Variants in LRRK1 observed in about 807,000 individuals in gnomAD.
LRRK1 encodes leucine-rich repeat serine/threonine-protein kinase 1.
LRRK1 carries 113 observed loss-of-function variants against 209.1 expected under a neutral mutation model. That is an observed-to-expected ratio of 0.54 (90% CI 0.46 to 0.63). The LOEUF (loss-of-function observed/expected upper bound fraction) is 0.63. LRRK1 is among the 30% of genes least tolerant of loss of function. The probability of loss-of-function intolerance (pLI) is 0.00; values close to 1 mark genes in which losing one functional copy is unlikely to be tolerated. For synonymous variants in LRRK1, 1,144 were observed against 1,099.7 expected (o/e 1.04, Z -0.80); for missense variants, 2,284 against 2,632.2 (o/e 0.87, Z 2.89).
Position 101,027,606 on chromosome 15 carries a change from G to A in LRRK1, c.2527-32G>A. 6.2e-7 allele frequency: 1 copy of A among 1,601,444 alleles called. No individual in the cohort carries two copies. Among genetic ancestry groups the A allele is most frequent in the Non-Finnish European group, 8.5e-7 (1 of 1,175,302 alleles). Reference sequence around the variant, plus strand: ...AGCTGGCAGGTGTGCCTTGGGACCTGAGAGACCCTGCCTCGCCCAACTGTC... The same window carrying A: ...AGCTGGCAGGTGTGCCTTGGGACCTAAGAGACCCTGCCTCGCCCAACTGTC... On this transcript the variant is annotated intron_variant, in intron 18 of 33. Transcript: ENST00000388948. The surrounding 1 kb of genome is among the most constrained non-coding windows in gnomAD (Gnocchi z 5.1).
intron 12 of LRRK1, among the ~76,000 whole-genome samples, chr15:101,017,495 C>G (rs1309490059): frequency 6.6e-6 from 1 of 152,212 alleles, no homozygotes; most frequent in Non-Finnish European, 1.5e-5. Flanking sequence ...TGCTAGGAAC[C>G]AGGCCACACA....
At chr15:100,935,242 G>A (rs2042280296) in intron 2 of LRRK1, among the ~76,000 whole-genome samples, 2 of 152,228 alleles carry the variant, frequency 1.3e-5, no homozygotes, top group African/African-American at 4.8e-5. Flanking sequence ...GATGGAGAGT[G>A]ACAGGCATAG....
At position 101,065,510 on chromosome 15, in the gene LRRK1, C is replaced by T; in HGVS notation, c.5073C>T (p.Tyr1691=). Residue 1691 remains tyrosine (Y), a synonymous_variant, in exon 32 of 34, where the codon TAC becomes TAT. Coordinates refer to ENST00000388948, the MANE Select transcript of LRRK1 (RefSeq NM_024652.6). The part of the protein sequence containing the change: ...IADEDARQNP[Y]PVKAMEVVNS... ...ATGAAGACGCACGGCAGAACCCCTA[C>T]CCAGTGAAGGCCATGGAGGTGGTCA... is the stretch of plus-strand genomic sequence containing the variant. 1.2e-6 allele frequency: 2 copies of T among 1,614,218 alleles called. No homozygotes were observed. Among genetic ancestry groups the T allele is most frequent in the Admixed American group, 1.7e-5 (1 of 60,034 alleles).
chr15:100,942,033 A>T (rs543078939), intron 2 of LRRK1, among the ~76,000 whole-genome samples: 2 of 152,262 alleles, frequency 1.3e-5, no homozygotes, highest in East Asian at 3.9e-4. Flanking sequence ...TTCTTTTCCC[A>T]TGCTAATAAG....
At chr15:100,970,135 C>T (rs572445845) in intron 2 of LRRK1, among the ~76,000 whole-genome samples, 1 of 152,280 alleles carries the variant, frequency 6.6e-6, no homozygotes, top group Non-Finnish European at 1.5e-5. Flanking sequence ...GGTGATCCAC[C>T]TGCCTTGGCC....
At chr15:101,002,105 A>T (rs1348802376) in intron 6 of LRRK1, among the ~76,000 whole-genome samples, 1 of 152,140 alleles carries the variant, frequency 6.6e-6, no homozygotes, top group East Asian at 1.9e-4. Flanking sequence ...TCATTGAACA[A>T]TTTTTTTCTT....
Position 101,016,134 on chromosome 15 carries a change from C to T in LRRK1, c.1609+732C>T, listed in dbSNP as rs148092600. ...CCTCCCAAGTAGCTGGGATTACAGG[C>T]ATGTGCCACCATGCCTGGCTAATTT... On this transcript the variant is annotated intron_variant, in intron 12 of 33. Coordinates refer to ENST00000388948, the MANE Select transcript of LRRK1 (RefSeq NM_024652.6). Among the ~76,000 whole-genome samples, 295 of 152,084 alleles carry T rather than the reference C, an allele frequency of 1.9e-3. 1 individual carries two copies. The highest frequency in any genetic ancestry group is 6.5e-3 in the African/African-American group (270 of 41,486).
At chr15:101,020,170 T>G (rs2033711770) in intron 12 of LRRK1, among the ~76,000 whole-genome samples, 1 of 152,190 alleles carries the variant, frequency 6.6e-6, no homozygotes, top group African/African-American at 2.4e-5. Flanking sequence ...AGTAATTCCT[T>G]TCCCCAGAGA....
chr15:100,922,477 A>G (rs772146145), intron 1 of LRRK1, among the ~76,000 whole-genome samples: 13 of 152,102 alleles, frequency 8.5e-5, no homozygotes, highest in Admixed American at 4.6e-4. Context: ...ATTGTATGGT[A>G]AGACACTTCT....
intron 2 of LRRK1, among the ~76,000 whole-genome samples, chr15:100,972,367 TGTG>T: frequency 1.0e-5 from 1 of 98,860 alleles, no homozygotes; most frequent in African/African-American, 4.3e-5. Flanking sequence ...AGAGAGAGTG[TGTG>T]TGTGTGTGTG....
In LRRK1 at chr15:101,062,790, C is replaced by A. The variant is rs184279688; in HGVS notation, c.4914+100C>A. 58 of 825,940 alleles carry A rather than the reference C, an allele frequency of 7.0e-5. 1 individual carries two copies. The East Asian group carries it at 1.1e-3, about 16-fold the overall frequency. 51.2% of individuals were successfully genotyped at this position (825,940 alleles called of 1,614,324 possible). A position where few individuals can be genotyped will look rare whatever the true frequency, so the allele number is the denominator to read the frequency against. ...CAGGGTGGCGCCTGCAGAGCCACAC[C>A]TAGGACCACCTGGCCTAGGACGTAG... On this transcript the variant is annotated intron_variant, in intron 31 of 33. Coordinates refer to ENST00000388948, the MANE Select transcript of LRRK1 (RefSeq NM_024652.6).
At chr15:100,930,542 C>G (rs963089726) in intron 2 of LRRK1, among the ~76,000 whole-genome samples, 1 of 152,236 alleles carries the variant, frequency 6.6e-6, no homozygotes, top group Non-Finnish European at 1.5e-5. Flanking sequence ...CCACCCCACA[C>G]TTGCTCCTGA....
chr15:101,012,944 G>A, intron 10 of LRRK1, among the ~76,000 whole-genome samples: 1 of 152,118 alleles, frequency 6.6e-6, no homozygotes, highest in South Asian at 2.1e-4. Flanking sequence ...GGGTACTCCT[G>A]GCCTTCAGGC....
chr15:101,030,880 C>CGAACAG (rs2034250452), intron 20 of LRRK1, among the ~76,000 whole-genome samples: 1 of 152,150 alleles, frequency 6.6e-6, no homozygotes, highest in Admixed American at 6.5e-5. Flanking sequence ...ACACTGCACC[C>CGAACAG]TATTTGTGTC....
intron 20 of LRRK1, among the ~76,000 whole-genome samples, chr15:101,034,322 C>A (rs1487822662): frequency 6.6e-6 from 1 of 152,040 alleles, no homozygotes; most frequent in Non-Finnish European, 1.5e-5. Context: ...AGCCATAAAA[C>A]CTTTGCCTAG....
rs1020810209 is a variant in LRRK1, at chr15:101,071,100, A to G, written c.*2252A>G. The G allele has an allele frequency of 3.3e-5, 5 of 152,268 alleles. No homozygotes were observed. The highest frequency in any genetic ancestry group is 1.5e-5 in the Non-Finnish European group (1 of 68,078). The allele number at this position is 152,268 out of a possible 1,614,324, so 9.4% of individuals were successfully genotyped here. On this transcript the variant is annotated 3_prime_UTR_variant, in exon 34 of 34. Coordinates refer to ENST00000388948, the MANE Select transcript of LRRK1 (RefSeq NM_024652.6). ...GCAGGGAAACAGTCTCCACAACAGT[A>G]AAATGTTGCTGGGATGGGCCCAGCA...
chr15:101,053,265 ACTT>A lies in LRRK1; in HGVS notation c.3902_3904del (p.Phe1301del), dbSNP rs1184680227. The A allele has an allele frequency of 1.9e-6, 3 of 1,606,930 alleles. No individual in the cohort carries two copies. Among genetic ancestry groups the A allele is most frequent in the Middle Eastern group, 1.7e-4 (1 of 6,060 alleles). ...CTGCGGGCCACCGATGCCATGAAGAACTTCTCCGAGTTCCGGCAGGAGGCCAGC... is the reference window on the plus strand; with the variant it reads ...CTGCGGGCCACCGATGCCATGAAGAACTCCGAGTTCCGGCAGGAGGCCAGC... On this transcript the variant is annotated inframe_deletion, in exon 26 of 34. Coordinates refer to ENST00000388948, the MANE Select transcript of LRRK1 (RefSeq NM_024652.6).
intron 2 of LRRK1, among the ~76,000 whole-genome samples, chr15:100,965,466 G>A (rs1028846642): frequency 2.0e-5 from 3 of 152,010 alleles, no homozygotes; most frequent in Non-Finnish European, 2.9e-5. Flanking sequence ...ATCCATGGCC[G>A]GCACATTGAA....
rs1233877162 is a variant in LRRK1, at chr15:101,074,549, C to T, written c.*5701C>T. On this transcript the variant is annotated 3_prime_UTR_variant, in exon 34 of 34. Transcript: ENST00000388948. ...AGACCCTAAAAGCCCAAAAGGCCGT[C>T]TTATTCTCAATATATATTTTATCAC... is the stretch of plus-strand genomic sequence containing the variant. 1 of 152,196 alleles carries T rather than the reference C, an allele frequency of 6.6e-6. No individual in the cohort carries two copies. Among genetic ancestry groups the T allele is most frequent in the Non-Finnish European group, 1.5e-5 (1 of 68,052 alleles). 9.4% of individuals were successfully genotyped at this position (152,196 alleles called of 1,614,324 possible).
Sources: allele counts gnomAD v4.1 joint callset (sites outside exome capture counted in the v4.1 genomes callset), GRCh38; gene constraint gnomAD v4.1.1; non-coding constraint Gnocchi (gnomAD v3.1); transcripts MANE v1.5; gene names NCBI Gene and HGNC (gene_info 2026-07-23, HGNC 2026-07-21).